Variants in ZNF732 observed in about 807,000 individuals in gnomAD.
ZNF732 encodes zinc finger protein LOC654254.
In ZNF732, 12 loss-of-function variants were observed where a neutral mutation model predicts 11.5. The ratio of observed to expected loss-of-function variants is 1.05; its 90% CI spans 0.67 to 1.70. The LOEUF (loss-of-function observed/expected upper bound fraction) is 1.70. Among genes scored for constraint, ZNF732 ranks in the 40% most tolerant of loss-of-function variants. The pLI is 0.00. For missense variants in ZNF732, 702 were observed against 676.9 expected (o/e 1.04, Z -0.41); for synonymous variants, 231 against 236.5 (o/e 0.98, Z 0.21).
chr4:299,215 T>C (rs187729270), intron 1 of ZNF732, among the ~76,000 whole-genome samples: 21 of 151,810 alleles, frequency 1.4e-4, no homozygotes, highest in Admixed American at 1.1e-3. Context: ...TTCTAAAGAA[T>C]ATTTTGACCT....
At chr4:280,729 C>A (rs1719604037) in intron 3 of ZNF732, among the ~76,000 whole-genome samples, 1 of 152,140 alleles carries the variant, frequency 6.6e-6, no homozygotes, top group Admixed American at 6.5e-5. Flanking sequence ...CATCACAGTC[C>A]CAGCTACAGA....
chr4:276,376 A>C (rs1719497261), intron 3 of ZNF732, among the ~76,000 whole-genome samples: 2 of 151,864 alleles, frequency 1.3e-5, no homozygotes, highest in African/African-American at 4.8e-5. Context: ...AATAATACTA[A>C]ATAAAAGCAT....
In ZNF732 at chr4:271,242, A is replaced by G; in HGVS notation, c.1615T>C (p.Phe539Leu). Residue 539 changes from phenylalanine to leucine, a missense_variant, in exon 4 of 4, where the codon TTT becomes CTT. This residue lies in a region of ZNF732 where 94 missense variants were observed against 87.5 expected (regional missense o/e 1.07). Transcript: ENST00000419098. ...PYRCEECGKA[F>L]RRSRVLNKYK... ...TTATTCAGGACTCTGGAACGTCTAA[A>G]TGCTTTGCCACACTCTTCACATCTA... 1 of 1,567,570 alleles carries G rather than the reference A, an allele frequency of 6.4e-7. No individual in the cohort carries two copies. The highest frequency in any genetic ancestry group is 8.7e-7 in the Non-Finnish European group (1 of 1,155,478).
intron 3 of ZNF732, 141 bp from the exon 4 acceptor site, chr4:272,771 A>C: frequency 1.2e-6 from 1 of 839,268 alleles, no homozygotes; most frequent in East Asian, 2.8e-5. Context: ...TCACAGACAT[A>C]TATATGTAAC....
intron 1 of ZNF732, among the ~76,000 whole-genome samples, chr4:300,884 C>A (rs1362933075): frequency 6.6e-6 from 1 of 152,170 alleles, no homozygotes; most frequent in Non-Finnish European, 1.5e-5. Flanking sequence ...TCTAATTAAA[C>A]TAAAGAGCTT....
In ZNF732 at chr4:270,868, T is replaced by C. The variant is rs1053382568; in HGVS notation, c.*231A>G. ...ACATTTGTAGGGTTGCTCTCCAGCA[T>C]CAATTTTCTTATGTTGATTCAGGTA... On this transcript the variant is annotated 3_prime_UTR_variant, in exon 4 of 4. Coordinates refer to ENST00000419098, the MANE Select transcript of ZNF732 (RefSeq NM_001137608.3). The C allele has an allele frequency of 1.4e-6, 1 of 708,690 alleles. No homozygotes were observed. The highest frequency in any genetic ancestry group is 2.6e-6 in the Non-Finnish European group (1 of 383,654). 43.9% of individuals were successfully genotyped at this position (708,690 alleles called of 1,614,324 possible).
In ZNF732 at chr4:296,171, T is replaced by C. The variant is rs1394361083; in HGVS notation, c.4-16A>G. The C allele has an allele frequency of 1.9e-6, 3 of 1,607,902 alleles. No individual in the cohort carries two copies. The African/African-American group carries it at 4.0e-5, about 22-fold the overall frequency. ...TTAAGAGTTCCTGAAAATATATATG[T>C]ATCAAGTGACAGAGTTCTTAATTTG... On this transcript the variant is annotated splice_polypyrimidine_tract_variant and intron_variant, in intron 1 of 3. Coordinates refer to ENST00000419098, the MANE Select transcript of ZNF732 (RefSeq NM_001137608.3).
In ZNF732 at chr4:272,631, C is replaced by T; in HGVS notation, c.227-1G>A. 1 of 1,496,322 alleles carries T rather than the reference C, an allele frequency of 6.7e-7. No homozygotes were observed. The allele number at this position is 1,496,322 out of a possible 1,614,324, so 92.7% of individuals were successfully genotyped here. ...TCTTGGGTGAAATGAGAACACACAG[C>T]TGAAAGAAATAAAAATAAATTATCC... On this transcript the variant is annotated splice_acceptor_variant, in intron 3 of 3. Transcript: ENST00000419098. LOFTEE classifies it high-confidence loss of function.
intron 3 of ZNF732, among the ~76,000 whole-genome samples, chr4:293,867 A>G (rs1450812247): frequency 1.3e-5 from 2 of 152,198 alleles, no homozygotes; most frequent in Non-Finnish European, 2.9e-5. Flanking sequence ...AATTCATATC[A>G]CGCAAACACA....
intron 1 of ZNF732, among the ~76,000 whole-genome samples, chr4:299,391 GTACACATATGTGTA>G (rs1720037465): frequency 1.6e-4 from 5 of 30,756 alleles, no homozygotes; most frequent in Non-Finnish European, 3.5e-4. Context: ...ATACACATAT[GTACACATATGTGTA>G]TATATATATA....
At chr4:290,153 A>G (rs1331057290) in intron 3 of ZNF732, among the ~76,000 whole-genome samples, 3 of 152,206 alleles carry the variant, frequency 2.0e-5, no homozygotes, top group African/African-American at 7.2e-5. Flanking sequence ...ACTCCTACAA[A>G]ACATAAGTAG....
intron 3 of ZNF732, among the ~76,000 whole-genome samples, chr4:282,572 G>C (rs1198654925): frequency 6.6e-6 from 1 of 152,060 alleles, no homozygotes; most frequent in African/African-American, 2.4e-5. Context: ...ATGGTGGCAT[G>C]TGCTTGTAAT....
chr4:301,856 T>C (rs1489168883), intron 1 of ZNF732, among the ~76,000 whole-genome samples: 3 of 152,190 alleles, frequency 2.0e-5, no homozygotes, highest in Non-Finnish European at 1.5e-5. Context: ...ACCCTAGAAC[T>C]TAATGTATAA....
In ZNF732 at chr4:299,354, CATATAT is replaced by C. The variant is rs1560164925; in HGVS notation, c.4-3205_4-3200del. ...AGAAGCAGTTATGAGTATATATACA[CATATAT>C]ACACATATGTGTATATATATATACA... On this transcript the variant is annotated intron_variant, in intron 1 of 3. Coordinates refer to ENST00000419098, the MANE Select transcript of ZNF732 (RefSeq NM_001137608.3). Among the ~76,000 whole-genome samples the C allele has an allele frequency of 8.1e-3, 1,028 of 126,408 alleles. 21 individuals are homozygous for C. Among genetic ancestry groups the C allele is most frequent in the African/African-American group, 0.032 (978 of 30,866 alleles). The allele number at this position is 126,408 out of a possible 152,430, so 82.9% of individuals were successfully genotyped here. A position where few individuals can be genotyped will look rare whatever the true frequency, so the allele number is the denominator to read the frequency against.
chr4:271,909 A>G lies in ZNF732; in HGVS notation c.948T>C (p.Asn316=). The G allele has an allele frequency of 1.2e-6, 2 of 1,611,456 alleles. No individual in the cohort carries two copies. The highest frequency in any genetic ancestry group is 1.3e-5 in the African/African-American group (1 of 74,724). ...TATGTTTAGTAAGGGTTGTGGACCTATTAAAGACTTTGCCACATTCCTGAC... is the reference window on the plus strand; with the variant it reads ...TATGTTTAGTAAGGGTTGTGGACCTGTTAAAGACTTTGCCACATTCCTGAC... ...YKCQECGKVF[N]RSTTLTKHNR... is the part of the protein sequence containing the mutation. Residue 316 remains asparagine, a synonymous_variant, in exon 4 of 4, where the codon AAT becomes AAC. Coordinates refer to ENST00000419098, the MANE Select transcript of ZNF732 (RefSeq NM_001137608.3).
At chr4:273,118 C>T (rs1250733595) in intron 3 of ZNF732, among the ~76,000 whole-genome samples, 1 of 151,992 alleles carries the variant, frequency 6.6e-6, no homozygotes, top group Non-Finnish European at 1.5e-5. Context: ...TCTGCTAAGA[C>T]CAAATGTACA....
chr4:281,253 C>T (rs1467350147), intron 3 of ZNF732, among the ~76,000 whole-genome samples: 3 of 152,128 alleles, frequency 2.0e-5, no homozygotes, highest in South Asian at 4.1e-4. Flanking sequence ...GGAGAAATAC[C>T]GTTAACCCAG....
intron 3 of ZNF732, among the ~76,000 whole-genome samples, chr4:275,115 C>G (rs1322512993): frequency 2.0e-5 from 3 of 151,542 alleles, no homozygotes; most frequent in African/African-American, 7.3e-5. Flanking sequence ...TTCTCAATAC[C>G]TCATACAATA....
intron 3 of ZNF732, among the ~76,000 whole-genome samples, chr4:279,306 C>T (rs1187731816): frequency 6.6e-6 from 1 of 151,680 alleles, no homozygotes; most frequent in South Asian, 2.1e-4. Flanking sequence ...ATTAGCTGGG[C>T]GTGGTGGTGG....
Sources: gnomAD v4.1 joint callset for allele counts (sites outside exome capture counted in the v4.1 genomes callset) on GRCh38, gnomAD v4.1.1 for gene constraint, gnomAD v4.1.1 regional missense constraint, MANE v1.5 for transcripts, NCBI Gene and HGNC (gene_info 2026-07-23, HGNC 2026-07-21) for gene names.